The following THSD7B variants were observed in gnomAD, a reference collection of about 807,000 sequenced individuals.
THSD7B encodes the protein thrombospondin type 1 domain containing 7B.
Under a neutral mutation model 213.6 loss-of-function variants are expected in THSD7B, and 138 were observed. The observed-to-expected ratio is 0.65, with a 90% confidence interval of 0.56 to 0.74. The LOEUF (loss-of-function observed/expected upper bound fraction) is 0.74, where lower values mean the gene tolerates loss of function less well. THSD7B is among the 30% of genes least tolerant of loss of function. The pLI is 0.00. For missense variants in THSD7B, 1,931 were observed against 1,991.5 expected, an observed-to-expected ratio of 0.97 and a Z score of 0.58; for synonymous variants, 742 against 687.0, an observed-to-expected ratio of 1.08 and a Z score of -1.25.
chr2:137,345,883 A>G (rs1441322160), intron 12 of THSD7B, among the ~76,000 whole-genome samples: 1 of 151,612 alleles, frequency 6.6e-6, no homozygotes, highest in Non-Finnish European at 1.5e-5. Flanking sequence ...ATGAACAGAC[A>G]CACACACACA....
intron 3 of THSD7B, among the ~76,000 whole-genome samples, chr2:137,062,045 C>A (rs1438210733): frequency 6.6e-6 from 1 of 151,692 alleles, no homozygotes; most frequent in Non-Finnish European, 1.5e-5. Context: ...CTATTCGTAT[C>A]ATCGATTTCT....
intron 1 of THSD7B, among the ~76,000 whole-genome samples, chr2:136,801,647 G>C (rs1682181839): frequency 6.6e-6 from 1 of 152,138 alleles, no homozygotes; most frequent in East Asian, 1.9e-4. Context: ...GTGGAGCAAA[G>C]GAAGGGCCCA....
intron 2 of THSD7B, among the ~76,000 whole-genome samples, chr2:136,972,524 A>G (rs1487975090): frequency 6.6e-6 from 1 of 152,218 alleles, no homozygotes; most frequent in Non-Finnish European, 1.5e-5. Context: ...CACAAATATT[A>G]AGCCTATTTT....
At chr2:137,013,897 G>A (rs964998513) in intron 2 of THSD7B, among the ~76,000 whole-genome samples, 14 of 152,156 alleles carry the variant, frequency 9.2e-5, no homozygotes, top group African/African-American at 3.4e-4. Context: ...TGGGGTTTAC[G>A]GGGAGCCACA....
At chr2:137,228,915 C>T (rs921538228) in intron 7 of THSD7B, among the ~76,000 whole-genome samples, 2 of 152,154 alleles carry the variant, frequency 1.3e-5, no homozygotes, top group Non-Finnish European at 2.9e-5. Context: ...TAGTAGTTAA[C>T]AATTTCATAG....
At chr2:137,103,180 G>A (rs768624160) in intron 4 of THSD7B, among the ~76,000 whole-genome samples, 1 of 152,216 alleles carries the variant, frequency 6.6e-6, no homozygotes, top group African/African-American at 2.4e-5. Flanking sequence ...CAGACGGAGA[G>A]TGGATCTTTC....
chr2:137,635,989 A>G (rs141549794), intron 20 of THSD7B, among the ~76,000 whole-genome samples: 1,634 of 152,276 alleles, frequency 0.011, 25 homozygotes, highest in African/African-American at 0.036. Flanking sequence ...GACATGAGCT[A>G]CTGTGCCCAG....
chr2:137,056,338 G>C, intron 2 of THSD7B, 82 bp from the exon 3 acceptor site: 1 of 1,376,798 alleles, frequency 7.3e-7, no homozygotes, highest in Non-Finnish European at 9.8e-7. Flanking sequence ...GTGTTGGAAA[G>C]TGTGTTAATT....
chr2:136,786,604 A>G (rs902871935), intron 1 of THSD7B, among the ~76,000 whole-genome samples: 1 of 152,142 alleles, frequency 6.6e-6, no homozygotes, highest in Admixed American at 6.5e-5. Context: ...ATGTTCATCA[A>G]CAAACATTTT....
At chr2:137,326,286 A>T (rs1330548700) in intron 12 of THSD7B, among the ~76,000 whole-genome samples, 1 of 152,208 alleles carries the variant, frequency 6.6e-6, no homozygotes, top group Admixed American at 6.5e-5. Context: ...ATAAAAATAA[A>T]CAACATTATA....
intron 3 of THSD7B, among the ~76,000 whole-genome samples, chr2:137,080,262 A>G (rs1289969552): frequency 6.6e-6 from 1 of 151,510 alleles, no homozygotes; most frequent in African/African-American, 2.4e-5. Context: ...GTGCAGTGGT[A>G]CAATCTTAGC....
chr2:137,166,047 T>G (rs1001173143), intron 6 of THSD7B, among the ~76,000 whole-genome samples: 1 of 152,206 alleles, frequency 6.6e-6, no homozygotes, highest in Non-Finnish European at 1.5e-5. Flanking sequence ...ACATGACTTT[T>G]ATTCTTAATC....
At chr2:137,458,660 T>C (rs1003355059) in intron 15 of THSD7B, among the ~76,000 whole-genome samples, 4 of 152,194 alleles carry the variant, frequency 2.6e-5, no homozygotes, top group Admixed American at 1.3e-4. Context: ...CTATTGTGTA[T>C]GCTGTTAATC....
At chr2:137,398,920 C>A (rs1008817293) in intron 12 of THSD7B, among the ~76,000 whole-genome samples, 2 of 152,154 alleles carry the variant, frequency 1.3e-5, no homozygotes, top group African/African-American at 2.4e-5. Flanking sequence ...GGGAGTGACC[C>A]GATTTTCCAG....
chr2:137,362,309 A>G (rs982188531), intron 12 of THSD7B, among the ~76,000 whole-genome samples: 2 of 152,268 alleles, frequency 1.3e-5, no homozygotes, highest in East Asian at 1.9e-4. Context: ...TCGATGCTAC[A>G]AAGAAACTGC....
chr2:137,385,487 C>CCA (rs1386385451), intron 12 of THSD7B, among the ~76,000 whole-genome samples: 9 of 152,210 alleles, frequency 5.9e-5, no homozygotes, highest in African/African-American at 2.2e-4. Context: ...TAAACTCTTT[C>CCA]CACAGTACTT....
intron 5 of THSD7B, among the ~76,000 whole-genome samples, chr2:137,140,000 T>C (rs1679549660): frequency 6.6e-6 from 1 of 151,700 alleles, no homozygotes; most frequent in Admixed American, 6.6e-5. Context: ...TAAAAATTTA[T>C]AGAGAGAATA....
At chr2:136,788,634 A>AAATT (rs1257479866) in intron 1 of THSD7B, among the ~76,000 whole-genome samples, 1 of 152,160 alleles carries the variant, frequency 6.6e-6, no homozygotes, top group Admixed American at 6.5e-5. Flanking sequence ...TCTTCACTTC[A>AAATT]AATTAATTTC....
In THSD7B at chr2:137,405,623, C is replaced by A; in HGVS notation, c.2511C>A (p.Cys837Ter). The A allele has an allele frequency of 6.2e-7, 1 of 1,602,170 alleles. No homozygotes were observed. The change falls in exon 13 of 28, where the codon TGC becomes TGA. Residue 837 changes from cysteine to a stop codon, truncating the protein, a stop_gained. Transcript: ENST00000409968. LOFTEE classifies it high-confidence loss of function. ...GKGLQTRAVS[C>*]ISDDNRSAEM... ...CATGCTTTTTTTCAGCTGTCTCATG[C>A]ATCTCTGATGACAACCGGTCAGCAG... is the stretch of plus-strand genomic sequence containing the variant.
Sources: allele counts gnomAD v4.1 joint callset (sites outside exome capture counted in the v4.1 genomes callset), GRCh38; gene constraint gnomAD v4.1.1; transcripts MANE v1.5; gene names NCBI Gene and HGNC (gene_info 2026-07-23, HGNC 2026-07-21).